MYO3B: variants seen among roughly 807,000 people sequenced by gnomAD.
MYO3B encodes the protein myosin IIIB, also known as myosin-IIIb.
In MYO3B, 156 loss-of-function variants were observed where a neutral mutation model predicts 174.6. That is an observed-to-expected ratio of 0.89 (90% CI 0.78 to 1.02). The LOEUF (loss-of-function observed/expected upper bound fraction) is 1.02. MYO3B is among the 50% of genes least tolerant of loss of function. MYO3B has a pLI of 0.00. For missense variants in MYO3B, 1,632 were observed against 1,639.4 expected, an observed-to-expected ratio of 1.00 and a Z score of 0.08; for synonymous variants, 563 against 569.1, an observed-to-expected ratio of 0.99 and a Z score of 0.15.
rs78928504 is a variant in MYO3B, at chr2:170,188,289, T to G, written c.2+10000T>G. Among the ~76,000 whole-genome samples the G allele has an allele frequency of 3.8e-4, 58 of 152,278 alleles. 1 individual carries two copies. Among genetic ancestry groups the G allele is most frequent in the African/African-American group, 1.3e-3 (53 of 41,564 alleles). On this transcript the variant is annotated intron_variant, in intron 1 of 34. Coordinates refer to ENST00000408978, the MANE Select transcript of MYO3B (RefSeq NM_138995.5). ...TAGCTACCTCTGCTCTTTTTTGGCT[T>G]CCATTTGCATAGAATATTTTTTTTC...
intron 23 of MYO3B, among the ~76,000 whole-genome samples, chr2:170,460,352 G>C (rs1295883011): frequency 6.6e-6 from 1 of 152,008 alleles, no homozygotes; most frequent in Non-Finnish European, 1.5e-5. Context: ...GCCAGGCGTG[G>C]TGGTGTGCAG....
chr2:170,643,067 C>T (rs778688547), intron 32 of MYO3B, among the ~76,000 whole-genome samples: 3 of 151,886 alleles, frequency 2.0e-5, no homozygotes, highest in Non-Finnish European at 4.4e-5. Context: ...AGGCTTTGAC[C>T]CGGGCATTAG....
At chr2:170,587,137 G>A (rs1268659888) in intron 32 of MYO3B, among the ~76,000 whole-genome samples, 3 of 152,256 alleles carry the variant, frequency 2.0e-5, no homozygotes, top group East Asian at 3.9e-4. Context: ...TAAAAGTGTA[G>A]CACATACACA....
At chr2:170,620,648 C>A (rs775965923) in intron 32 of MYO3B, among the ~76,000 whole-genome samples, 2 of 152,210 alleles carry the variant, frequency 1.3e-5, no homozygotes, top group Non-Finnish European at 2.9e-5. Flanking sequence ...ACCCTTGTCC[C>A]CAAATCCCAT....
At chr2:170,602,489 CAG>C (rs1343784309) in intron 32 of MYO3B, among the ~76,000 whole-genome samples, 8 of 152,218 alleles carry the variant, frequency 5.3e-5, no homozygotes, top group Non-Finnish European at 1.2e-4. Flanking sequence ...GTTTTGAATG[CAG>C]AGTGAATCAC....
At chr2:170,220,785 A>G (rs1227097831) in intron 6 of MYO3B, among the ~76,000 whole-genome samples, 1 of 152,148 alleles carries the variant, frequency 6.6e-6, no homozygotes, top group African/African-American at 2.4e-5. Context: ...AAAAGTAAGC[A>G]GTTTAAGGTA....
At chr2:170,486,786 C>T (rs1437256961) in intron 25 of MYO3B, among the ~76,000 whole-genome samples, 1 of 152,142 alleles carries the variant, frequency 6.6e-6, no homozygotes, top group East Asian at 1.9e-4. Flanking sequence ...CTGAAGTAGC[C>T]CATTCCCTGT....
intron 23 of MYO3B, 100 bp from the exon 24 acceptor site, chr2:170,463,268 C>T (rs1428602495): frequency 8.8e-6 from 8 of 905,744 alleles, no homozygotes; most frequent in African/African-American, 6.6e-5. Context: ...ACCATGGCCC[C>T]TCAGGTATTT....
intron 8 of MYO3B, among the ~76,000 whole-genome samples, chr2:170,358,411 C>G (rs1321396209): frequency 6.6e-6 from 1 of 151,946 alleles, no homozygotes; most frequent in Non-Finnish European, 1.5e-5. Flanking sequence ...TTAGTGGTTG[C>G]CTGGGACTGA....
chr2:170,629,477 A>C (rs1045653953), intron 32 of MYO3B, among the ~76,000 whole-genome samples: 2 of 152,228 alleles, frequency 1.3e-5, no homozygotes, highest in Admixed American at 6.5e-5. Context: ...CCATCTAAAA[A>C]CAAATATACC....
chr2:170,233,983 A>G (rs927764178), intron 6 of MYO3B, among the ~76,000 whole-genome samples: 15 of 151,904 alleles, frequency 9.9e-5, no homozygotes, highest in Admixed American at 2.0e-4. Context: ...CATCCCGGCT[A>G]TAACGGTGAA....
intron 1 of MYO3B, among the ~76,000 whole-genome samples, chr2:170,195,840 A>G (rs886910793): frequency 2.6e-5 from 4 of 152,166 alleles, no homozygotes; most frequent in African/African-American, 7.2e-5. Flanking sequence ...AGCATGTCCT[A>G]TGAGAGGGGT....
At chr2:170,468,349 A>G (rs557903883) in intron 25 of MYO3B, among the ~76,000 whole-genome samples, 49 of 152,318 alleles carry the variant, frequency 3.2e-4, no homozygotes, top group African/African-American at 1.2e-3. Context: ...GAGGTAAATA[A>G]AAGATAAAAA....
At chr2:170,219,409 C>T (rs1388950177) in intron 6 of MYO3B, among the ~76,000 whole-genome samples, 1 of 152,004 alleles carries the variant, frequency 6.6e-6, no homozygotes, top group East Asian at 1.9e-4. Flanking sequence ...TTTGGGAGGC[C>T]GACGCAGGCA....
chr2:170,378,388 C>G (rs1312132601), intron 9 of MYO3B, among the ~76,000 whole-genome samples: 1 of 152,170 alleles, frequency 6.6e-6, no homozygotes, highest in Non-Finnish European at 1.5e-5. Context: ...AGTCTTGCAT[C>G]TACATCCACT....
At chr2:170,297,470 C>T (rs2093636366) in intron 7 of MYO3B, among the ~76,000 whole-genome samples, 1 of 151,968 alleles carries the variant, frequency 6.6e-6, no homozygotes, top group African/African-American at 2.4e-5. Flanking sequence ...CTCTGCTTTT[C>T]CCAGGAAGTA....
At chr2:170,592,376 C>G (rs1693872020) in intron 32 of MYO3B, among the ~76,000 whole-genome samples, 1 of 152,174 alleles carries the variant, frequency 6.6e-6, no homozygotes, top group South Asian at 2.1e-4. Context: ...ATTCCCTACA[C>G]CCTGGGTGAA....
Position 170,282,419 on chromosome 2 carries a change from G to A in MYO3B, c.749+46283G>A, listed in dbSNP as rs978693537. 2.6e-5 allele frequency among the ~76,000 whole-genome samples: 4 copies of A among 152,138 alleles called. No homozygotes were observed. The East Asian group carries it at 7.7e-4, about 29-fold the overall frequency. Reference sequence around the variant, plus strand: ...TCAAACATCAGTTGGCTGTAAATATGTAGGTTTACTTTGGGTTTATCTTTA... The same window carrying A: ...TCAAACATCAGTTGGCTGTAAATATATAGGTTTACTTTGGGTTTATCTTTA... On this transcript the variant is annotated intron_variant, in intron 7 of 34. Coordinates refer to ENST00000408978, the MANE Select transcript of MYO3B (RefSeq NM_138995.5).
rs184445851 is a variant in MYO3B at position 170,397,064 on chromosome 2, G to T, written c.1792-3124G>T. On this transcript the variant is annotated intron_variant, in intron 16 of 34. Coordinates refer to ENST00000408978, the MANE Select transcript of MYO3B (RefSeq NM_138995.5). ...CGAGGTGCTGTCATGTTAAATCCGA[G>T]CAAGTCCCAGAAAACCTACTTAGTA... is the stretch of plus-strand genomic sequence containing the variant. Among the ~76,000 whole-genome samples the T allele has an allele frequency of 3.9e-5, 6 of 152,160 alleles. No homozygotes were observed. In the East Asian group the frequency reaches 1.2e-3, roughly 29 times the overall value.
Sources: allele counts gnomAD v4.1 joint callset (sites outside exome capture counted in the v4.1 genomes callset), GRCh38; gene constraint gnomAD v4.1.1; transcripts MANE v1.5; gene names NCBI Gene and HGNC (gene_info 2026-07-23, HGNC 2026-07-21).